Variants in GPM6A observed in about 807,000 individuals in gnomAD.
GPM6A encodes neuronal membrane glycoprotein M6-a.
GPM6A carries 7 observed loss-of-function variants against 32.1 expected under a neutral mutation model. The ratio of observed to expected loss-of-function variants is 0.22; its 90% confidence interval spans 0.12 to 0.41. The LOEUF is 0.41. Ranked by LOEUF, GPM6A falls within the 10% of genes least tolerant of loss-of-function variation. The pLI, the probability that GPM6A is intolerant of heterozygous loss-of-function variation, is 1.00. For missense variants in GPM6A, 235 were observed against 347.2 expected (o/e 0.68, Z 2.57); for synonymous variants, 130 against 123.4 (o/e 1.05, Z -0.35).
chr4:175,637,667 T>TTATATAAAATATAAA (rs1740835527), intron 6 of GPM6A, among the ~76,000 whole-genome samples: 1 of 532 alleles, frequency 1.9e-3, no homozygotes, highest in East Asian at 0.014. Context: ...AAATATATAA[T>TTATATAAAATATAAA]ATATATAATA....
intron 1 of GPM6A, among the ~76,000 whole-genome samples, chr4:175,838,188 C>T (rs1003923416): frequency 6.6e-6 from 1 of 150,530 alleles, no homozygotes; most frequent in Non-Finnish European, 1.5e-5. Flanking sequence ...TTGAGTTTTC[C>T]AAGAAAAGGG....
At chr4:175,660,865 T>A (rs1231586442) in intron 3 of GPM6A, among the ~76,000 whole-genome samples, 1 of 152,218 alleles carries the variant, frequency 6.6e-6, no homozygotes, top group Non-Finnish European at 1.5e-5. Flanking sequence ...TCACTTAGGT[T>A]GACAGTGTGA....
chr4:175,790,309 CA>C (rs1033242730), intron 1 of GPM6A: 11 of 152,104 alleles, frequency 7.2e-5, no homozygotes, highest in African/African-American at 2.7e-4. Context: ...TTACATGGGG[CA>C]TTTCAATACA....
At chr4:175,718,031 T>C (rs1341531963) in intron 1 of GPM6A, among the ~76,000 whole-genome samples, 2 of 152,228 alleles carry the variant, frequency 1.3e-5, no homozygotes, top group Non-Finnish European at 2.9e-5. Context: ...TTTAAGATGC[T>C]TTCATTATTA....
At chr4:175,752,224 A>C (rs921196191) in intron 1 of GPM6A, among the ~76,000 whole-genome samples, 10 of 152,136 alleles carry the variant, frequency 6.6e-5, no homozygotes, top group Admixed American at 6.6e-4. Flanking sequence ...TTGCCTTCTA[A>C]CTAGTCCAAG....
chr4:175,825,253 AATC>A (rs1735397850), intron 1 of GPM6A, among the ~76,000 whole-genome samples: 1 of 152,230 alleles, frequency 6.6e-6, no homozygotes, highest in Non-Finnish European at 1.5e-5. Flanking sequence ...GGGGTGCAGT[AATC>A]TTAACAGCAA....
intron 1 of GPM6A, among the ~76,000 whole-genome samples, chr4:175,838,892 T>TGACCCTGACCTCAGGC (rs1221822115): frequency 1.3e-5 from 2 of 151,952 alleles, no homozygotes; most frequent in Non-Finnish European, 2.9e-5. Context: ...TGACCTCAGG[T>TGACCCTGACCTCAGGC]GATCCTGACC....
chr4:175,661,713 A>G (rs1742430656), intron 3 of GPM6A, among the ~76,000 whole-genome samples: 1 of 152,166 alleles, frequency 6.6e-6, no homozygotes, highest in South Asian at 2.1e-4. Flanking sequence ...GGATGAAGTG[A>G]GACATGTTTC....
At chr4:175,707,207 T>C (rs1745242666) in intron 1 of GPM6A, among the ~76,000 whole-genome samples, 1 of 152,236 alleles carries the variant, frequency 6.6e-6, no homozygotes, top group Non-Finnish European at 1.5e-5. Context: ...TAAACTTCCT[T>C]TCACCTTGCT....
chr4:175,647,412 C>T (rs1365213506), intron 4 of GPM6A, among the ~76,000 whole-genome samples: 2 of 152,038 alleles, frequency 1.3e-5, no homozygotes, highest in African/African-American at 4.8e-5. Context: ...ATCAAAAATA[C>T]GAATAAAATT....
At chr4:175,638,696 T>C (rs1463309649) in intron 6 of GPM6A, among the ~76,000 whole-genome samples, 2 of 152,092 alleles carry the variant, frequency 1.3e-5, no homozygotes, top group African/African-American at 2.4e-5. Flanking sequence ...AAATATTTAT[T>C]ATAGTCCACT....
At chr4:175,761,650 G>GT (rs1732748746) in intron 1 of GPM6A, among the ~76,000 whole-genome samples, 1 of 151,734 alleles carries the variant, frequency 6.6e-6, no homozygotes, top group South Asian at 2.1e-4. Flanking sequence ...ATACTAAAAG[G>GT]TTTTTTAAAG....
intron 1 of GPM6A, among the ~76,000 whole-genome samples, chr4:175,850,154 C>A (rs1373713185): frequency 6.6e-6 from 1 of 152,086 alleles, no homozygotes; most frequent in Non-Finnish European, 1.5e-5. Context: ...TTCATTCTTT[C>A]CAAATTCCTG....
chr4:175,794,523 G>A (rs900474983), intron 1 of GPM6A, among the ~76,000 whole-genome samples: 2 of 152,102 alleles, frequency 1.3e-5, no homozygotes, highest in South Asian at 4.1e-4. Flanking sequence ...TCACAACTTT[G>A]AATTCAAGAT....
At position 175,691,398 on chromosome 4, in the gene GPM6A, T is replaced by TTACTAATTTTACTATATTTA. The variant is rs563152028; in HGVS notation, c.230+10176_230+10177insTAAATATAGTAAAATTAGTA. 9.7e-3 allele frequency among the ~76,000 whole-genome samples: 1,484 copies of TTACTAATTTTACTATATTTA among 152,316 alleles called. 24 individuals are homozygous for TTACTAATTTTACTATATTTA. Among genetic ancestry groups the TTACTAATTTTACTATATTTA allele is most frequent in the African/African-American group, 0.034 (1,416 of 41,574 alleles). ...TTTGTTACACAACTGTTTTACTAAT[T>TTACTAATTTTACTATATTTA]GTAAAAGCAATATATAAGCATTGTA... On this transcript the variant is annotated intron_variant, in intron 2 of 6. Coordinates refer to ENST00000393658, the MANE Select transcript of GPM6A (RefSeq NM_201591.3).
chr4:175,800,292 C>G (rs1383662772), intron 1 of GPM6A, among the ~76,000 whole-genome samples: 7 of 152,094 alleles, frequency 4.6e-5, no homozygotes, highest in Admixed American at 4.6e-4. Flanking sequence ...AGCATATACC[C>G]AAATCTAGGT....
At chr4:175,841,011 A>G (rs1735918682) in intron 1 of GPM6A, among the ~76,000 whole-genome samples, 2 of 152,204 alleles carry the variant, frequency 1.3e-5, no homozygotes, top group Admixed American at 1.3e-4. Flanking sequence ...ACAGAGAAGG[A>G]TATTGAAAAA....
At chr4:175,904,411 CAT>C (rs567777555) in intron 1 of GPM6A, among the ~76,000 whole-genome samples, 36 of 152,244 alleles carry the variant, frequency 2.4e-4, no homozygotes, top group East Asian at 2.3e-3. Context: ...TACATGTACA[CAT>C]GTGTCTACAT....
intron 1 of GPM6A, among the ~76,000 whole-genome samples, chr4:175,978,921 A>G (rs1740741539): frequency 6.6e-6 from 1 of 151,754 alleles, no homozygotes. Flanking sequence ...TGTTGTATCT[A>G]TTTTATCAAA....
Sources: allele counts gnomAD v4.1 joint callset (sites outside exome capture counted in the v4.1 genomes callset), GRCh38; gene constraint gnomAD v4.1.1; transcripts MANE v1.5; gene names NCBI Gene and HGNC (gene_info 2026-07-23, HGNC 2026-07-21).